Variants in GRAMD1B observed in about 807,000 individuals in gnomAD.
GRAMD1B encodes the protein GRAM domain containing 1B.
GRAMD1B carries 37 observed loss-of-function variants against 99.7 expected under a neutral mutation model. The ratio of observed to expected loss-of-function variants is 0.37; its 90% CI spans 0.29 to 0.49. GRAMD1B has a LOEUF of 0.49. Ranked by LOEUF, GRAMD1B falls within the 20% of genes least tolerant of loss-of-function variation. GRAMD1B has a pLI of 0.98. For missense variants in GRAMD1B, 888 were observed against 1,009.2 expected, an observed-to-expected ratio of 0.88 and a Z score of 1.63; for synonymous variants, 427 against 387.6, an observed-to-expected ratio of 1.10 and a Z score of -1.19.
intron 1 of GRAMD1B, among the ~76,000 whole-genome samples, chr11:123,451,985 C>T (rs987772626): frequency 2.6e-5 from 4 of 152,104 alleles, no homozygotes; most frequent in African/African-American, 9.7e-5. Flanking sequence ...AGGCACGTGC[C>T]ACCATGCCCA....
chr11:123,533,760 C>T (rs946657989), intron 2 of GRAMD1B, among the ~76,000 whole-genome samples: 3 of 152,158 alleles, frequency 2.0e-5, no homozygotes, highest in Non-Finnish European at 4.4e-5. Context: ...AAACTCATAG[C>T]AATTTTTTTA....
intron 1 of GRAMD1B, among the ~76,000 whole-genome samples, chr11:123,474,230 C>G (rs1179253858): frequency 6.6e-6 from 1 of 151,560 alleles, no homozygotes; most frequent in Non-Finnish European, 1.5e-5. Context: ...TTTCTAATCC[C>G]CACTGCAATG....
chr11:123,544,826 C>G (rs774624344), intron 2 of GRAMD1B, among the ~76,000 whole-genome samples: 2 of 152,256 alleles, frequency 1.3e-5, no homozygotes, highest in Non-Finnish European at 2.9e-5. Flanking sequence ...GCATTTCTGA[C>G]CTTTGTGTAG....
At chr11:123,409,917 A>C (rs1947982172) in intron 1 of GRAMD1B, among the ~76,000 whole-genome samples, 1 of 152,230 alleles carries the variant, frequency 6.6e-6, no homozygotes, top group Non-Finnish European at 1.5e-5. Context: ...TTAGTGGCGA[A>C]CAATAGTTCC....
chr11:123,398,707 C>G (rs1025508995), intron 1 of GRAMD1B, among the ~76,000 whole-genome samples: 1 of 152,042 alleles, frequency 6.6e-6, no homozygotes, highest in African/African-American at 2.4e-5. Context: ...ATGTATTTAT[C>G]GGTCATTTAT....
intron 4 of GRAMD1B, among the ~76,000 whole-genome samples, chr11:123,589,449 T>G (rs1720332): frequency 0.13 from 20,097 of 151,206 alleles, 1,445 homozygotes; most frequent in East Asian, 0.22. Flanking sequence ...TTAGCGTCTT[T>G]GGAATCTACT....
intron 1 of GRAMD1B, among the ~76,000 whole-genome samples, chr11:123,424,202 A>G (rs1043262237): frequency 8.6e-5 from 13 of 150,994 alleles, no homozygotes; most frequent in African/African-American, 3.2e-4. Flanking sequence ...TCATGCTGTC[A>G]CCAGAGTTGA....
chr11:123,600,500 G>C lies in GRAMD1B; in HGVS notation c.1002G>C (p.Arg334Ser). 1 of 1,612,834 alleles carries C rather than the reference G, an allele frequency of 6.2e-7. No homozygotes were observed. Among genetic ancestry groups the C allele is most frequent in the Non-Finnish European group, 8.5e-7 (1 of 1,179,024 alleles). Residue 334 changes from arginine (R) to serine (S), a missense_variant, in exon 8 of 20, where the codon AGG (arginine) becomes AGC (serine). By Grantham distance (110) the Arg-to-Ser change is moderately radical. This residue lies in a region of GRAMD1B where 269 missense variants were observed against 296.6 expected (regional missense o/e 0.91). Coordinates refer to ENST00000635736, the MANE Select transcript of GRAMD1B (RefSeq NM_001387025.1). ...HFFTSFGARD[R>S]TYMMMFRLWQ... ...TCACTTCGTTTGGGGCCCGGGATAG[G>C]ACATATATGATGATGTTCCGGCTCT...
intron 2 of GRAMD1B, among the ~76,000 whole-genome samples, chr11:123,539,681 T>C (rs542718646): frequency 3.3e-5 from 5 of 152,310 alleles, no homozygotes; most frequent in African/African-American, 9.6e-5. Context: ...CTGAACGGCA[T>C]GCAGGGTGTT....
intron 4 of GRAMD1B, among the ~76,000 whole-genome samples, chr11:123,590,453 A>G (rs1950534780): frequency 6.6e-6 from 1 of 152,090 alleles, no homozygotes; most frequent in Non-Finnish European, 1.5e-5. Flanking sequence ...CTGGCCAGCA[A>G]CTTTCCATTG....
At chr11:123,578,275 C>T in intron 3 of GRAMD1B, 1 of 687,300 alleles carries the variant, frequency 1.5e-6, no homozygotes, top group Non-Finnish European at 2.6e-6. Context: ...CCCCCAGGGC[C>T]TGGGAAGGGG....
At chr11:123,429,625 G>C (rs140159395), upstream of GRAMD1B, among the ~76,000 whole-genome samples, 6 of 152,256 alleles carry the variant, frequency 3.9e-5, 1 homozygote, top group African/African-American at 1.4e-4. This position sits in a 1 kb window ranked among gnomAD's most constrained non-coding sequence, Gnocchi z 4.0. Context: ...CGCGGCTATG[G>C]TACTGGCAGC....
At chr11:123,434,595 C>T (rs1949074316) in intron 1 of GRAMD1B, among the ~76,000 whole-genome samples, 1 of 152,090 alleles carries the variant, frequency 6.6e-6, no homozygotes, top group Non-Finnish European at 1.5e-5. Context: ...CGAGACCAGC[C>T]TAGCCAACAT....
chr11:123,390,416 A>G (rs1947235542), intron 1 of GRAMD1B, among the ~76,000 whole-genome samples: 1 of 152,142 alleles, frequency 6.6e-6, no homozygotes, highest in African/African-American at 2.4e-5. Flanking sequence ...TGCTCCTTGA[A>G]TCCCTCTTCT....
At chr11:123,371,491 TCCAGAGG>T (rs1455056861) in intron 1 of GRAMD1B, among the ~76,000 whole-genome samples, 2 of 152,224 alleles carry the variant, frequency 1.3e-5, no homozygotes, top group Non-Finnish European at 2.9e-5. Context: ...ATTTGTCTCT[TCCAGAGG>T]ACAGTTCCTA....
intron 2 of GRAMD1B, among the ~76,000 whole-genome samples, chr11:123,569,278 A>G (rs1238400402): frequency 6.6e-6 from 1 of 152,102 alleles, no homozygotes; most frequent in African/African-American, 2.4e-5. Flanking sequence ...GGGTTATGAC[A>G]AGGAGTGAAG....
chr11:123,549,863 G>A (rs983400776), intron 2 of GRAMD1B, among the ~76,000 whole-genome samples: 5 of 152,198 alleles, frequency 3.3e-5, no homozygotes, highest in Middle Eastern at 3.2e-3. Context: ...TGCATGAGCA[G>A]CCCAGGTGCT....
intron 8 of GRAMD1B, among the ~76,000 whole-genome samples, chr11:123,601,699 T>C (rs1952004030): frequency 1.3e-5 from 2 of 152,262 alleles, no homozygotes; most frequent in Admixed American, 1.3e-4. Flanking sequence ...GATAACTTAT[T>C]TGAGCTGTGG....
rs140784393 is a variant in GRAMD1B at position 123,364,309 on chromosome 11, G to T, written c.-176+5510G>T. Reference sequence around the variant, plus strand: ...TGATTTTTCCCTCTGAAATGAAACAGGCTTACTAGCCAGAGACTATTCCCT... The same window carrying T: ...TGATTTTTCCCTCTGAAATGAAACATGCTTACTAGCCAGAGACTATTCCCT... On this transcript the variant is annotated intron_variant, in intron 1 of 20. Transcript: ENST00000638157. Among the ~76,000 whole-genome samples the T allele has an allele frequency of 2.4e-3, 366 of 152,312 alleles. 3 individuals are homozygous for T. The highest frequency in any genetic ancestry group is 8.3e-3 in the African/African-American group (347 of 41,574).
Sources: allele counts gnomAD v4.1 joint callset (sites outside exome capture counted in the v4.1 genomes callset), GRCh38; gene constraint gnomAD v4.1.1; regional missense constraint gnomAD v4.1.1; non-coding constraint Gnocchi (gnomAD v3.1); transcripts MANE v1.5; gene names NCBI Gene and HGNC (gene_info 2026-07-23, HGNC 2026-07-21).